Variants in SCARA5 observed in about 807,000 individuals in gnomAD.
SCARA5 encodes scavenger receptor class A, member 5 (putative).
A neutral mutation model predicts 46.3 loss-of-function variants in SCARA5; 45 were observed. That is an observed-to-expected ratio of 0.97 (90% CI 0.76 to 1.24). SCARA5 has a LOEUF of 1.24. Ranked by LOEUF, SCARA5 falls within the 50% of genes most tolerant of loss-of-function variation. SCARA5 has a pLI of 0.00. For missense variants in SCARA5, 680 were observed against 689.0 expected (o/e 0.99, Z 0.15); for synonymous variants, 333 against 306.5 (o/e 1.09, Z -0.90).
chr8:27,926,258 T>A (rs963403398), intron 3 of SCARA5, among the ~76,000 whole-genome samples: 17 of 152,190 alleles, frequency 1.1e-4, no homozygotes, highest in Non-Finnish European at 2.2e-4. Context: ...CATGGAATAC[T>A]ATGCAGCCAT....
chr8:27,986,085 CA>C (rs1200454569), intron 2 of SCARA5, among the ~76,000 whole-genome samples: 1 of 152,150 alleles, frequency 6.6e-6, no homozygotes, highest in African/African-American at 2.4e-5. Flanking sequence ...TCTTTCTTGC[CA>C]AACCAAGCCC....
At chr8:27,937,603 A>G (rs866846819) in intron 3 of SCARA5, among the ~76,000 whole-genome samples, 2 of 152,166 alleles carry the variant, frequency 1.3e-5, no homozygotes, top group Middle Eastern at 3.4e-3. Context: ...TCTGATTTCC[A>G]TAGAAATCCC....
intron 3 of SCARA5, among the ~76,000 whole-genome samples, chr8:27,936,271 C>T (rs554277788): frequency 6.6e-6 from 1 of 152,078 alleles, no homozygotes; most frequent in African/African-American, 2.4e-5. Context: ...TGAGCTGGCC[C>T]TGGTCACTTC....
intron 3 of SCARA5, among the ~76,000 whole-genome samples, chr8:27,939,199 A>G (rs142473543): frequency 6.6e-6 from 1 of 152,368 alleles, no homozygotes; most frequent in East Asian, 1.9e-4. Flanking sequence ...CATTAAATGT[A>G]TATGACAGGG....
intron 8 of SCARA5, among the ~76,000 whole-genome samples, chr8:27,877,061 G>A (rs894881298): frequency 6.6e-6 from 1 of 152,160 alleles, no homozygotes; most frequent in African/African-American, 2.4e-5. Context: ...CCAGGGCTGG[G>A]CTTGGTCAGC....
At chr8:27,984,225 T>C (rs1041905109) in intron 2 of SCARA5, among the ~76,000 whole-genome samples, 1 of 152,164 alleles carries the variant, frequency 6.6e-6, no homozygotes, top group Non-Finnish European at 1.5e-5. Flanking sequence ...TGGCTTGAAT[T>C]TCCCCAAGTC....
chr8:27,875,892 T>A (rs1290867559), intron 8 of SCARA5, among the ~76,000 whole-genome samples: 1 of 152,124 alleles, frequency 6.6e-6, no homozygotes, highest in East Asian at 1.9e-4. Context: ...TCCCAGCTAC[T>A]CAGGAGGCTG....
intron 2 of SCARA5, among the ~76,000 whole-genome samples, chr8:27,985,934 G>A (rs149022113): frequency 3.9e-5 from 6 of 152,306 alleles, no homozygotes; most frequent in African/African-American, 7.2e-5. Context: ...AAACAATCTG[G>A]GGTTCAGAAA....
At chr8:27,912,594 G>C (rs558248161) in intron 4 of SCARA5, among the ~76,000 whole-genome samples, 1 of 152,366 alleles carries the variant, frequency 6.6e-6, no homozygotes, top group East Asian at 1.9e-4. Flanking sequence ...CCAAGGCCAA[G>C]GCTGCAGCAA....
intron 2 of SCARA5, among the ~76,000 whole-genome samples, chr8:27,969,532 A>T (rs1217118433): frequency 6.6e-6 from 1 of 152,068 alleles, no homozygotes; most frequent in South Asian, 2.1e-4. Flanking sequence ...AGCACGGGGG[A>T]TTTTCAGGGA....
chr8:27,922,756 G>A (rs901593963), intron 3 of SCARA5, among the ~76,000 whole-genome samples: 17 of 150,998 alleles, frequency 1.1e-4, no homozygotes, highest in African/African-American at 3.6e-4. Flanking sequence ...CCCAAAATTC[G>A]AATGTGGAAA....
intron 3 of SCARA5, among the ~76,000 whole-genome samples, chr8:27,962,910 G>T (rs192288480): frequency 9.6e-4 from 146 of 152,298 alleles, no homozygotes; most frequent in Admixed American, 2.8e-3. Flanking sequence ...CACTTGTTGA[G>T]GATGATGATG....
At chr8:27,884,683 G>T (rs1432724764) in intron 7 of SCARA5, among the ~76,000 whole-genome samples, 1 of 152,208 alleles carries the variant, frequency 6.6e-6, no homozygotes, top group Admixed American at 6.5e-5. Context: ...TAGCCTCTCT[G>T]TTCTGGCCAG....
chr8:27,990,034 C>T (rs1397436412), intron 1 of SCARA5, among the ~76,000 whole-genome samples: 1 of 152,234 alleles, frequency 6.6e-6, no homozygotes, highest in Non-Finnish European at 1.5e-5. Flanking sequence ...GGGCGCTGCC[C>T]CTGGGGAGTG....
chr8:27,908,345 C>T (rs574466924), intron 5 of SCARA5, among the ~76,000 whole-genome samples: 10 of 152,284 alleles, frequency 6.6e-5, no homozygotes, highest in Non-Finnish European at 1.0e-4. Context: ...CCTGCGGTGA[C>T]GGTGCCGGCG....
Position 27,884,496 on chromosome 8 carries a change from G to C in SCARA5, c.1154-4730C>G, listed in dbSNP as rs903262855. Among the ~76,000 whole-genome samples the C allele has an allele frequency of 1.2e-4, 18 of 152,226 alleles. No individual in the cohort carries two copies. In the South Asian group the frequency reaches 1.9e-3, roughly 16 times the overall value. ...ACCTGCCTCACCTCTGGCTGCACCA[G>C]GAGGCCTGCAACAGAAGCCACAGTG... On this transcript the variant is annotated intron_variant, in intron 7 of 8. Coordinates refer to ENST00000354914, the MANE Select transcript of SCARA5 (RefSeq NM_173833.6).
At chr8:27,908,240 G>T (rs1807302282) in intron 5 of SCARA5, among the ~76,000 whole-genome samples, 1 of 152,252 alleles carries the variant, frequency 6.6e-6, no homozygotes, top group Admixed American at 6.5e-5. Context: ...ACACAGGGAG[G>T]TATAGCAAAA....
intron 4 of SCARA5, among the ~76,000 whole-genome samples, chr8:27,916,478 T>C (rs1336773740): frequency 1.3e-5 from 2 of 152,124 alleles, no homozygotes; most frequent in Admixed American, 6.5e-5. Flanking sequence ...TATGTGTGTG[T>C]GTGTATATTT....
chr8:27,913,082 G>A (rs2050302374), intron 4 of SCARA5, among the ~76,000 whole-genome samples: 1 of 152,226 alleles, frequency 6.6e-6, no homozygotes, highest in African/African-American at 2.4e-5. Context: ...ACAACTTCCG[G>A]GTATTCCAAG....
Sources: allele counts gnomAD v4.1 joint callset (sites outside exome capture counted in the v4.1 genomes callset), GRCh38; gene constraint gnomAD v4.1.1; transcripts MANE v1.5; gene names NCBI Gene and HGNC (gene_info 2026-07-23, HGNC 2026-07-21).